Variants in NUDT3 observed in about 807,000 individuals in gnomAD.
NUDT3 encodes diphosphoinositol polyphosphate phosphohydrolase 1.
A neutral mutation model predicts 23.6 loss-of-function variants in NUDT3; 9 were observed. That is an observed-to-expected ratio of 0.38 (90% CI 0.23 to 0.66). The LOEUF (loss-of-function observed/expected upper bound fraction) is 0.66. Among genes scored for constraint, NUDT3 ranks in the 30% least tolerant of loss-of-function variants. The probability of loss-of-function intolerance (pLI) is 0.52; values close to 1 mark genes in which losing one functional copy is unlikely to be tolerated. For synonymous variants in NUDT3, 86 were observed against 82.6 expected (o/e 1.04, Z -0.22); for missense variants, 172 against 218.5 (o/e 0.79, Z 1.34).
At chr6:34,351,216 A>AAAAAAAAAAAAAAAAAAAC (rs1561915130) in intron 1 of NUDT3, among the ~76,000 whole-genome samples, 5 of 130,822 alleles carry the variant, frequency 3.8e-5, no homozygotes, top group African/African-American at 1.7e-4. Context: ...AAAAAAAAAA[A>AAAAAAAAAAAAAAAAAAAC]AAAAAAAAAA....
intron 3 of NUDT3, 37 bp downstream of exon 3, chr6:34,295,604 T>C (rs1477366489): frequency 3.1e-6 from 5 of 1,605,842 alleles, no homozygotes; most frequent in South Asian, 1.1e-5. Context: ...TGGTTATTAA[T>C]ACATATCATT....
chr6:34,344,873 G>A (rs774393758), intron 1 of NUDT3, among the ~76,000 whole-genome samples: 2 of 151,798 alleles, frequency 1.3e-5, no homozygotes, highest in Admixed American at 6.6e-5. Context: ...GGATGGTCTC[G>A]ATCTCCTGAC....
At chr6:34,363,147 G>C (rs1420657122) in intron 1 of NUDT3, among the ~76,000 whole-genome samples, 1 of 152,132 alleles carries the variant, frequency 6.6e-6, no homozygotes, top group Non-Finnish European at 1.5e-5. Context: ...ACTTTGCTGG[G>C]TAACCAAAAG....
At chr6:34,354,006 G>A (rs1014553221) in intron 1 of NUDT3, among the ~76,000 whole-genome samples, 7 of 151,682 alleles carry the variant, frequency 4.6e-5, no homozygotes, top group African/African-American at 1.5e-4. Context: ...GGGTTCAAGC[G>A]ATTCTCCTGC....
At chr6:34,383,058 C>T (rs755115703) in intron 1 of NUDT3, among the ~76,000 whole-genome samples, 5 of 145,248 alleles carry the variant, frequency 3.4e-5, no homozygotes, top group Non-Finnish European at 7.5e-5. Context: ...ACCTGGGAGG[C>T]GGAGGTTGCA....
chr6:34,357,843 T>C (rs1764586641), intron 1 of NUDT3, among the ~76,000 whole-genome samples: 1 of 152,166 alleles, frequency 6.6e-6, no homozygotes, highest in Admixed American at 6.5e-5. Context: ...CTTCTATAAC[T>C]TGAATTAGCA....
At chr6:34,368,873 C>T (rs966682790) in intron 1 of NUDT3, among the ~76,000 whole-genome samples, 30 of 152,192 alleles carry the variant, frequency 2.0e-4, no homozygotes, top group Non-Finnish European at 4.0e-4. Context: ...CTCCAGACCT[C>T]ATGATCCGCC....
At chr6:34,359,140 G>A (rs1332485771) in intron 1 of NUDT3, among the ~76,000 whole-genome samples, 4 of 152,158 alleles carry the variant, frequency 2.6e-5, no homozygotes, top group African/African-American at 7.2e-5. Context: ...TTGGGAGGCC[G>A]AGGTGGGCAG....
At chr6:34,349,050 C>T (rs184518712) in intron 1 of NUDT3, among the ~76,000 whole-genome samples, 2 of 151,848 alleles carry the variant, frequency 1.3e-5, no homozygotes, top group East Asian at 3.9e-4. Context: ...TATTAACCAC[C>T]AAGCCTGGTT....
chr6:34,390,125 G>A (rs1007775183), intron 1 of NUDT3, among the ~76,000 whole-genome samples: 2 of 150,740 alleles, frequency 1.3e-5, no homozygotes, highest in African/African-American at 4.9e-5. Flanking sequence ...GCGAAAGAGC[G>A]AGACTCCGTC....
intron 2 of NUDT3, among the ~76,000 whole-genome samples, chr6:34,318,570 T>G (rs531989011): frequency 1.3e-5 from 2 of 152,196 alleles, no homozygotes; most frequent in Non-Finnish European, 2.9e-5. Flanking sequence ...ATATAAAGAT[T>G]TCCTATATTA....
intron 2 of NUDT3, among the ~76,000 whole-genome samples, chr6:34,305,771 T>G (rs1763670377): frequency 6.6e-6 from 1 of 152,256 alleles, no homozygotes; most frequent in African/African-American, 2.4e-5. Flanking sequence ...GATTTGTGCT[T>G]TAACTCATGG....
intron 4 of NUDT3, among the ~76,000 whole-genome samples, chr6:34,292,725 AAC>A (rs1763443020): frequency 6.6e-6 from 1 of 152,190 alleles, no homozygotes; most frequent in Non-Finnish European, 1.5e-5. Flanking sequence ...CCACCAAACC[AAC>A]AGTTTTCTCA....
chr6:34,330,915 C>A (rs1008558254), intron 2 of NUDT3, among the ~76,000 whole-genome samples: 1 of 152,220 alleles, frequency 6.6e-6, no homozygotes, highest in Non-Finnish European at 1.5e-5. Flanking sequence ...AGTGCAATGG[C>A]ACGATCTTGG....
At chr6:34,304,207 C>T (rs1197060110) in intron 2 of NUDT3, among the ~76,000 whole-genome samples, 1 of 148,410 alleles carries the variant, frequency 6.7e-6, no homozygotes, top group Non-Finnish European at 1.5e-5. Flanking sequence ...GAGCTGATTA[C>T]GCCACTGTAC....
intron 1 of NUDT3, among the ~76,000 whole-genome samples, chr6:34,388,432 T>C (rs557468507): frequency 2.6e-5 from 4 of 152,194 alleles, no homozygotes; most frequent in Non-Finnish European, 5.9e-5. Flanking sequence ...TTAAGGCCAT[T>C]AGTGCCCATT....
chr6:34,288,493 G>T lies in NUDT3; in HGVS notation c.*260C>A. On this transcript the variant is annotated 3_prime_UTR_variant, in exon 5 of 5. Coordinates refer to ENST00000607016, the MANE Select transcript of NUDT3 (RefSeq NM_006703.4). ...TGGCCTCTCTTCAGAGGACTGCAGG[G>T]GTGGGAAGAGGGAGGGACAGATCAT... The T allele has an allele frequency of 2.5e-6, 1 of 396,094 alleles. No individual in the cohort carries two copies. The highest frequency in any genetic ancestry group is 4.5e-6 in the Non-Finnish European group (1 of 223,256). 24.5% of individuals were successfully genotyped at this position (396,094 alleles called of 1,614,324 possible).
intron 2 of NUDT3, among the ~76,000 whole-genome samples, chr6:34,323,667 A>G (rs1763980017): frequency 6.6e-6 from 1 of 152,270 alleles, no homozygotes; most frequent in African/African-American, 2.4e-5. Flanking sequence ...GCTAAAGAAT[A>G]GAATTTAGGA....
At chr6:34,353,087 C>G (rs528284860) in intron 1 of NUDT3, among the ~76,000 whole-genome samples, 1 of 152,252 alleles carries the variant, frequency 6.6e-6, no homozygotes, top group South Asian at 2.1e-4. Context: ...CCAAGAGGCA[C>G]TTCTTGTGAA....
Sources: gnomAD v4.1 joint callset for allele counts (sites outside exome capture counted in the v4.1 genomes callset) on GRCh38, gnomAD v4.1.1 for gene constraint, MANE v1.5 for transcripts, NCBI Gene and HGNC (gene_info 2026-07-23, HGNC 2026-07-21) for gene names.